The following KIF2A variants were observed in gnomAD, a reference collection of about 807,000 sequenced individuals.
KIF2A encodes kinesin family member 2A.
KIF2A carries 22 observed loss-of-function variants against 100.2 expected under a neutral mutation model. That is an observed-to-expected ratio of 0.22 (90% CI 0.16 to 0.31). KIF2A has a LOEUF of 0.31. Ranked by LOEUF, KIF2A falls within the 10% of genes least tolerant of loss-of-function variation. KIF2A has a pLI of 1.00. For missense variants in KIF2A, 495 were observed against 898.7 expected (o/e 0.55, Z 5.74); for synonymous variants, 268 against 285.9 (o/e 0.94, Z 0.63).
chr5:62,306,438 T>G lies in KIF2A; in HGVS notation c.-35T>G. 1.5e-6 allele frequency: 1 copy of G among 679,720 alleles called. No individual in the cohort carries two copies. The highest frequency in any genetic ancestry group is 1.9e-6 in the Non-Finnish European group (1 of 528,798). 42.1% of individuals were successfully genotyped at this position (679,720 alleles called of 1,614,324 possible). On this transcript the variant is annotated 5_prime_UTR_variant, in exon 1 of 21. Coordinates refer to ENST00000407818, the MANE Select transcript of KIF2A (RefSeq NM_001098511.3). ...CGCCTTTTCCGCCCTCCGGTCCCCCTCCCTCGGCCCGCTGCTGCTGCTCCA... is the reference window on the plus strand; with the variant it reads ...CGCCTTTTCCGCCCTCCGGTCCCCCGCCCTCGGCCCGCTGCTGCTGCTCCA...
At chr5:62,370,385 C>T (rs755004024) in intron 16 of KIF2A, among the ~76,000 whole-genome samples, 3 of 152,068 alleles carry the variant, frequency 2.0e-5, no homozygotes, top group African/African-American at 4.8e-5. Flanking sequence ...CCTCTGACTC[C>T]GGGGTTCAAG....
rs1742225796 is a variant in KIF2A, at chr5:62,389,959, G to A, written c.*4390G>A. On this transcript the variant is annotated 3_prime_UTR_variant, in exon 21 of 21. Coordinates refer to ENST00000407818, the MANE Select transcript of KIF2A (RefSeq NM_001098511.3). The stretch of plus-strand genomic sequence containing the variant: ...GATAAATTTCTAAAAAAGCAAAGTA[G>A]ATATTTATGAATAGTATTCAATGCC... Among the ~76,000 whole-genome samples the A allele has an allele frequency of 6.6e-6, 1 of 152,198 alleles. No individual in the cohort carries two copies. The highest frequency in any genetic ancestry group is 2.1e-4 in the South Asian group (1 of 4,832).
At chr5:62,348,473 A>T (rs573710637) in intron 3 of KIF2A, among the ~76,000 whole-genome samples, 1 of 152,312 alleles carries the variant, frequency 6.6e-6, no homozygotes, top group South Asian at 2.1e-4. Flanking sequence ...ATGAAGACAT[A>T]TGACTTTGAC....
chr5:62,330,456 T>C (rs1746575995), intron 1 of KIF2A, among the ~76,000 whole-genome samples: 1 of 152,218 alleles, frequency 6.6e-6, no homozygotes, highest in Admixed American at 6.5e-5. Context: ...CTGAGGTAAT[T>C]TATCTGGTGT....
intron 4 of KIF2A, among the ~76,000 whole-genome samples, chr5:62,350,394 C>T (rs1214571015): frequency 6.6e-6 from 1 of 151,974 alleles, no homozygotes; most frequent in African/African-American, 2.4e-5. Context: ...CCTCCTGCCT[C>T]AGCCTCACAT....
rs16890656 is a variant in KIF2A, at chr5:62,347,004, A to G, written c.65-126A>G. The stretch of plus-strand genomic sequence containing the variant: ...TTCCCTGTTCCTGAGGGTCTGTGGA[A>G]ATCTCTTGTAAGGAAAAGTAGTGTC... On this transcript the variant is annotated intron_variant, in intron 1 of 20. Transcript: ENST00000407818. 0.11 allele frequency: 64,217 copies of G among 597,514 alleles called. 4,039 individuals carry two copies. Among genetic ancestry groups the G allele is most frequent in the East Asian group, 0.22 (6,929 of 31,620 alleles). The allele number at this position is 597,514 out of a possible 1,614,324, so 37.0% of individuals were successfully genotyped here.
At chr5:62,318,305 TCTG>T (rs1400385678) in intron 1 of KIF2A, among the ~76,000 whole-genome samples, 1 of 152,166 alleles carries the variant, frequency 6.6e-6, no homozygotes, top group African/African-American at 2.4e-5. Flanking sequence ...ATGGTCTCGA[TCTG>T]CTGACCTCGT....
At chr5:62,355,982 T>C (rs1420469718) in intron 7 of KIF2A, among the ~76,000 whole-genome samples, 6 of 151,852 alleles carry the variant, frequency 4.0e-5, no homozygotes, top group African/African-American at 1.5e-4. Flanking sequence ...GGGTTCACCT[T>C]TTTGGTCAGG....
At chr5:62,359,721 T>A (rs558552975) in intron 9 of KIF2A, among the ~76,000 whole-genome samples, 1 of 152,334 alleles carries the variant, frequency 6.6e-6, no homozygotes, top group East Asian at 1.9e-4. Context: ...TTTTACCCTA[T>A]GTTTATGTTT....
intron 1 of KIF2A, among the ~76,000 whole-genome samples, chr5:62,345,071 C>A (rs913954738): frequency 6.6e-6 from 1 of 151,880 alleles, no homozygotes; most frequent in African/African-American, 2.4e-5. Context: ...CATGGAGAAA[C>A]CCTGTCCTCT....
At chr5:62,332,686 A>G (rs865875827) in intron 1 of KIF2A, among the ~76,000 whole-genome samples, 1 of 152,208 alleles carries the variant, frequency 6.6e-6, no homozygotes, top group Non-Finnish European at 1.5e-5. Context: ...TAAATGGGAA[A>G]AAATGGCAGT....
Position 62,385,730 on chromosome 5 carries a change from C to T in KIF2A, c.*161C>T. On this transcript the variant is annotated 3_prime_UTR_variant, in exon 21 of 21. Coordinates refer to ENST00000407818, the MANE Select transcript of KIF2A (RefSeq NM_001098511.3). ...TCAATTTTGTGAAACACTCTTTTGTCTACAAAATGCTTCTAGTCCAGGAGG... is the reference window on the plus strand; with the variant it reads ...TCAATTTTGTGAAACACTCTTTTGTTTACAAAATGCTTCTAGTCCAGGAGG... The T allele has an allele frequency of 5.1e-6, 3 of 593,652 alleles. No homozygotes were observed. Among genetic ancestry groups the T allele is most frequent in the Non-Finnish European group, 9.2e-6 (3 of 327,748 alleles). 36.8% of individuals were successfully genotyped at this position (593,652 alleles called of 1,614,324 possible).
At chr5:62,348,237 G>C in intron 3 of KIF2A, 70 bp downstream of exon 3, 1 of 1,537,566 alleles carries the variant, frequency 6.5e-7, no homozygotes, top group Non-Finnish European at 8.9e-7. Context: ...GTGTGTTCTA[G>C]TTTGAAATTG....
chr5:62,383,229 A>ATTT lies in KIF2A; in HGVS notation c.2149+2005_2149+2007dup, dbSNP rs70977902. Among the ~76,000 whole-genome samples the ATTT allele has an allele frequency of 8.2e-4, 32 of 39,100 alleles. 1 individual carries two copies. Among genetic ancestry groups the ATTT allele is most frequent in the South Asian group, 7.4e-3 (5 of 672 alleles). 25.7% of individuals were successfully genotyped at this position (39,100 alleles called of 152,430 possible). ...GGCATGAGCCACCATGCCTGGCCAG[A>ATTT]TTTTTTTTTTTTTTTTTTTTTTTTT... is the stretch of plus-strand genomic sequence containing the variant. On this transcript the variant is annotated intron_variant, in intron 20 of 20. Coordinates refer to ENST00000407818, the MANE Select transcript of KIF2A (RefSeq NM_001098511.3).
chr5:62,310,743 A>G (rs1032981435), intron 1 of KIF2A, among the ~76,000 whole-genome samples: 4 of 152,166 alleles, frequency 2.6e-5, no homozygotes, highest in Non-Finnish European at 5.9e-5. Context: ...CCTGGTATGA[A>G]ATTGGACTGG....
At chr5:62,334,344 C>T (rs1005037075) in intron 1 of KIF2A, among the ~76,000 whole-genome samples, 1 of 152,036 alleles carries the variant, frequency 6.6e-6, no homozygotes, top group African/African-American at 2.4e-5. Context: ...TGCAGTCCTC[C>T]CTAAGCAATC....
intron 4 of KIF2A, among the ~76,000 whole-genome samples, chr5:62,352,180 C>T (rs1452352333): frequency 3.3e-5 from 5 of 150,408 alleles, no homozygotes; most frequent in African/African-American, 1.2e-4. Context: ...TTATATTTTA[C>T]ACACATATTT....
intron 16 of KIF2A, among the ~76,000 whole-genome samples, chr5:62,371,686 A>T (rs1741336755): frequency 6.6e-6 from 1 of 152,200 alleles, no homozygotes. Flanking sequence ...AAAATGACTA[A>T]TCCTAATACC....
intron 1 of KIF2A, among the ~76,000 whole-genome samples, chr5:62,344,879 CCTCA>C (rs1747477667): frequency 6.6e-6 from 1 of 152,136 alleles, no homozygotes; most frequent in Non-Finnish European, 1.5e-5. Flanking sequence ...TACTTAACAT[CCTCA>C]CTATTTGAAA....
Sources: allele counts gnomAD v4.1 joint callset (sites outside exome capture counted in the v4.1 genomes callset), GRCh38; gene constraint gnomAD v4.1.1; transcripts MANE v1.5; gene names NCBI Gene and HGNC (gene_info 2026-07-23, HGNC 2026-07-21).